Variants in NDC1 observed in about 807,000 individuals in gnomAD.
NDC1 encodes the protein nucleoporin NDC1.
In NDC1, 24 loss-of-function variants were observed where a neutral mutation model predicts 89.8. That is an observed-to-expected ratio of 0.27 (90% confidence interval 0.19 to 0.38). The LOEUF is 0.38. NDC1 is among the 10% of genes least tolerant of loss of function. The pLI, the probability that NDC1 is intolerant of heterozygous loss-of-function variation, is 1.00. For synonymous variants in NDC1, 296 were observed against 284.8 expected (o/e 1.04, Z -0.39); for missense variants, 728 against 797.6 (o/e 0.91, Z 1.05).
intron 16 of NDC1, among the ~76,000 whole-genome samples, chr1:53,783,645 T>C (rs546974319): frequency 6.6e-6 from 1 of 152,272 alleles, no homozygotes; most frequent in East Asian, 1.9e-4. Flanking sequence ...TGGGGCCTAA[T>C]GGGAGGTGTT....
At chr1:53,788,396 G>A (rs55872739) in intron 15 of NDC1, among the ~76,000 whole-genome samples, 7,667 of 151,644 alleles carry the variant, frequency 0.051, 551 homozygotes, top group African/African-American at 0.16. Context: ...AGGAGTTTGA[G>A]ACCAGCCTAG....
intron 10 of NDC1, among the ~76,000 whole-genome samples, chr1:53,801,913 T>C (rs1039676502): frequency 2.6e-5 from 4 of 152,156 alleles, no homozygotes; most frequent in African/African-American, 9.7e-5. Flanking sequence ...TGCAACACCA[T>C]GCCCAGCTAA....
intron 8 of NDC1, among the ~76,000 whole-genome samples, chr1:53,807,209 T>A (rs1159990748): frequency 8.1e-6 from 1 of 124,150 alleles, no homozygotes; most frequent in Non-Finnish European, 1.6e-5. Flanking sequence ...ATCAGGCCAC[T>A]GCCCTCCAGC....
rs751580134 is a variant in NDC1 at position 53,800,824 on chromosome 1, G to C, written c.1091C>G (p.Ala364Gly). The C allele has an allele frequency of 2.5e-6, 4 of 1,605,124 alleles. No individual in the cohort carries two copies. The East Asian group carries it at 9.0e-5, about 36-fold the overall frequency. ...AAGATTCAAACACTCCCTTGAAATG[G>C]CTGTCCAATTGTGGGGATGTCCACC... is the stretch of plus-strand genomic sequence containing the variant. The part of the protein sequence containing the change: ...QPGGHPHNWT[A>G]ISRECLNLLN... Residue 364 changes from alanine (A) to glycine (G), a missense_variant, in exon 11 of 18, where the codon GCC becomes GGC. Physicochemically the swap from Ala to Gly is moderately conservative, Grantham distance 60. Coordinates refer to ENST00000371429, the MANE Select transcript of NDC1 (RefSeq NM_018087.5).
At chr1:53,829,034 T>C (rs1051993625) in intron 3 of NDC1, among the ~76,000 whole-genome samples, 38 of 152,186 alleles carry the variant, frequency 2.5e-4, no homozygotes, top group Non-Finnish European at 5.6e-4. Flanking sequence ...AATGCTTATA[T>C]AGGGATTTTT....
rs370853060 is a variant in NDC1 at position 53,829,577 on chromosome 1, C to T, written c.281-1404G>A. Among the ~76,000 whole-genome samples the T allele has an allele frequency of 3.1e-3, 479 of 152,284 alleles. 5 individuals are homozygous for T. Among genetic ancestry groups the T allele is most frequent in the African/African-American group, 0.011 (445 of 41,556 alleles). On this transcript the variant is annotated intron_variant, in intron 3 of 17. Coordinates refer to ENST00000371429, the MANE Select transcript of NDC1 (RefSeq NM_018087.5). Reference sequence around the variant, plus strand: ...ATGTTTACTGTCTCTCCATTAATCACGATCTCTGGAGAAAGATGGGACCTA... The same window carrying T: ...ATGTTTACTGTCTCTCCATTAATCATGATCTCTGGAGAAAGATGGGACCTA...
intron 13 of NDC1, among the ~76,000 whole-genome samples, chr1:53,793,564 G>A (rs1259878220): frequency 6.6e-6 from 1 of 152,024 alleles, no homozygotes; most frequent in Non-Finnish European, 1.5e-5. Flanking sequence ...ATTCTAAGTG[G>A]TTTTGGTGAA....
intron 1 of NDC1, among the ~76,000 whole-genome samples, chr1:53,837,553 G>A (rs1649276377): frequency 6.6e-6 from 1 of 152,054 alleles, no homozygotes; most frequent in Non-Finnish European, 1.5e-5. Context: ...CTGGGCAACA[G>A]GGAGCGAGCC....
intron 7 of NDC1, among the ~76,000 whole-genome samples, chr1:53,809,344 T>C (rs760069911): frequency 3.2e-4 from 48 of 152,168 alleles, no homozygotes; most frequent in Admixed American, 3.3e-4. Context: ...TTTCATTTTA[T>C]ACCCTATTAT....
intron 7 of NDC1, 76 bp downstream of exon 7, chr1:53,809,616 AAAC>A: frequency 8.9e-7 from 1 of 1,126,342 alleles, no homozygotes; most frequent in African/African-American, 1.6e-5. Flanking sequence ...GGCAAAATCT[AAAC>A]AAAATATCTG....
At position 53,783,460 on chromosome 1, in the gene NDC1, C is replaced by T. The variant is rs543160168; in HGVS notation, c.1800+3698G>A. ...GTCACTGGTCCTGTTCTCTTTGTTC[C>T]ATCTTTTCTCAACATCCAAAAATAT... On this transcript the variant is annotated intron_variant, in intron 16 of 17. Transcript: ENST00000371429. Among the ~76,000 whole-genome samples the T allele has an allele frequency of 7.2e-5, 11 of 152,098 alleles. No individual in the cohort carries two copies. In the South Asian group the frequency reaches 2.1e-3, roughly 29 times the overall value.
intron 4 of NDC1, among the ~76,000 whole-genome samples, chr1:53,826,418 AT>A (rs1648865944): frequency 6.6e-6 from 1 of 151,936 alleles, no homozygotes; most frequent in Non-Finnish European, 1.5e-5. Context: ...TCCGATACCG[AT>A]TTTTTTTCCT....
intron 6 of NDC1, among the ~76,000 whole-genome samples, chr1:53,812,797 A>G (rs1648354276): frequency 6.6e-6 from 1 of 152,228 alleles, no homozygotes; most frequent in Non-Finnish European, 1.5e-5. Flanking sequence ...GCCTAGGCAC[A>G]CTGTCATCAG....
chr1:53,800,593 G>C, intron 11 of NDC1, 100 bp downstream of exon 11: 1 of 1,328,974 alleles, frequency 7.5e-7, no homozygotes. Flanking sequence ...CCAAAGTGCG[G>C]GGATAACAGG....
At chr1:53,797,502 G>GT (rs1356969462) in intron 11 of NDC1, among the ~76,000 whole-genome samples, 7 of 152,180 alleles carry the variant, frequency 4.6e-5, no homozygotes. Flanking sequence ...AATCTATCCA[G>GT]TTTTACTGCA....
intron 9 of NDC1, among the ~76,000 whole-genome samples, chr1:53,805,981 G>A (rs1471753308): frequency 6.6e-6 from 1 of 152,194 alleles, no homozygotes; most frequent in Non-Finnish European, 1.5e-5. Context: ...GGCTGAGGCA[G>A]GAGAATGGCG....
chr1:53,798,138 T>TTTATTA (rs71063883), intron 11 of NDC1, among the ~76,000 whole-genome samples: 39,369 of 132,614 alleles, frequency 0.3, 6,143 homozygotes, highest in Non-Finnish European at 0.33. Flanking sequence ...CCATCTTCTT[T>TTTATTA]TTATTATTAT....
intron 6 of NDC1, among the ~76,000 whole-genome samples, chr1:53,817,874 A>G (rs1252777575): frequency 1.3e-5 from 2 of 152,198 alleles, no homozygotes; most frequent in African/African-American, 4.8e-5. Flanking sequence ...AAATTATTAC[A>G]TGTTGCTAAC....
intron 6 of NDC1, among the ~76,000 whole-genome samples, chr1:53,813,733 C>T (rs1648387676): frequency 1.3e-5 from 2 of 151,654 alleles, no homozygotes; most frequent in African/African-American, 2.4e-5. Flanking sequence ...AACAGAAAGT[C>T]AACAAAAAAA....
Sources: gnomAD v4.1 joint callset for allele counts (sites outside exome capture counted in the v4.1 genomes callset) on GRCh38, gnomAD v4.1.1 for gene constraint, MANE v1.5 for transcripts, NCBI Gene and HGNC (gene_info 2026-07-23, HGNC 2026-07-21) for gene names.